The following IMPG2 variants were observed in gnomAD, a reference collection of about 807,000 sequenced individuals.
IMPG2 encodes the protein interphotoreceptor matrix proteoglycan 2, also known as IPM 200.
Under a neutral mutation model 129.2 loss-of-function variants are expected in IMPG2, and 91 were observed. The ratio of observed to expected loss-of-function variants is 0.70; its 90% confidence interval spans 0.59 to 0.84. The LOEUF (loss-of-function observed/expected upper bound fraction) is 0.84. Among genes scored for constraint, IMPG2 ranks in the 40% least tolerant of loss-of-function variants. IMPG2 has a pLI of 0.00. For synonymous variants in IMPG2, 510 were observed against 517.7 expected (o/e 0.99, Z 0.20); for missense variants, 1,430 against 1,461.7 (o/e 0.98, Z 0.35).
intron 4 of IMPG2, among the ~76,000 whole-genome samples, chr3:101,290,746 T>A (rs541261159): frequency 1.6e-4 from 24 of 152,296 alleles, no homozygotes; most frequent in African/African-American, 5.8e-4. Context: ...CTGACTCTGA[T>A]GCCCAGGTTG....
rs996361310 is a variant in IMPG2, at chr3:101,224,732, A to C, written c.*2237T>G. 6.6e-6 allele frequency: 1 copy of C among 152,212 alleles called. No homozygotes were observed. Among genetic ancestry groups the C allele is most frequent in the African/African-American group, 2.4e-5 (1 of 41,440 alleles). The allele number at this position is 152,212 out of a possible 1,614,324, so 9.4% of individuals were successfully genotyped here. On this transcript the variant is annotated 3_prime_UTR_variant, in exon 19 of 19. Transcript: ENST00000193391. Reference sequence around the variant, plus strand: ...GGCAGGACAAAAGTTGTATTCCTCAACTGAGGCCTCCTGTTCTTTCCCTGA... The same window carrying C: ...GGCAGGACAAAAGTTGTATTCCTCACCTGAGGCCTCCTGTTCTTTCCCTGA...
At chr3:101,281,769 A>G (rs1159164903) in intron 4 of IMPG2, among the ~76,000 whole-genome samples, 1 of 152,194 alleles carries the variant, frequency 6.6e-6, no homozygotes, top group Non-Finnish European at 1.5e-5. Context: ...AGAGAGAGAC[A>G]GAAGAAAGTC....
chr3:101,239,912 C>T (rs1308708486), intron 14 of IMPG2, among the ~76,000 whole-genome samples: 1 of 151,944 alleles, frequency 6.6e-6, no homozygotes, highest in African/African-American at 2.4e-5. Flanking sequence ...CACATGGGGG[C>T]CTGTCAGGGG....
intron 2 of IMPG2, among the ~76,000 whole-genome samples, chr3:101,315,611 A>G (rs2058780778): frequency 6.6e-6 from 1 of 152,180 alleles, no homozygotes; most frequent in African/African-American, 2.4e-5. Flanking sequence ...TCTCATGTCT[A>G]TGCAAATATT....
At chr3:101,251,030 C>T (rs990807883) in intron 11 of IMPG2, among the ~76,000 whole-genome samples, 3 of 152,066 alleles carry the variant, frequency 2.0e-5, no homozygotes, top group Non-Finnish European at 2.9e-5. Flanking sequence ...AAACTACTTC[C>T]AGAGATGTGT....
intron 14 of IMPG2, among the ~76,000 whole-genome samples, chr3:101,235,891 C>G (rs1017611628): frequency 1.7e-4 from 25 of 150,286 alleles, no homozygotes; most frequent in East Asian, 3.9e-4. Context: ...AGCTTTATGG[C>G]CTGAGCAACA....
intron 8 of IMPG2, among the ~76,000 whole-genome samples, chr3:101,267,872 A>G (rs966538159): frequency 5.3e-5 from 8 of 152,242 alleles, no homozygotes; most frequent in African/African-American, 1.9e-4. Context: ...TTTGGGATAC[A>G]ACATGTTATG....
chr3:101,276,491 C>T (rs944395252), intron 5 of IMPG2, among the ~76,000 whole-genome samples, 173 bp downstream of exon 5: 1 of 151,870 alleles, frequency 6.6e-6, no homozygotes, highest in East Asian at 1.9e-4. Context: ...CAACATAATG[C>T]CATAAAATAA....
At chr3:101,304,443 C>T in intron 2 of IMPG2, 131 bp from the exon 3 acceptor site, 1 of 823,062 alleles carries the variant, frequency 1.2e-6, no homozygotes, top group Non-Finnish European at 2.0e-6. Flanking sequence ...AGGAATGATT[C>T]TCAGTCAAAG....
intron 4 of IMPG2, among the ~76,000 whole-genome samples, chr3:101,278,174 G>T (rs1201617520): frequency 6.6e-6 from 1 of 152,238 alleles, no homozygotes; most frequent in East Asian, 1.9e-4. Flanking sequence ...GGCAGAGGCT[G>T]CAGTGAGCCA....
At chr3:101,261,209 A>AT (rs1706666480) in intron 9 of IMPG2, among the ~76,000 whole-genome samples, 1 of 152,082 alleles carries the variant, frequency 6.6e-6, no homozygotes, top group Admixed American at 6.6e-5. Flanking sequence ...TCTTTTTCGG[A>AT]TTTTTGCACA....
intron 4 of IMPG2, among the ~76,000 whole-genome samples, chr3:101,278,635 G>A (rs983750547): frequency 1.8e-4 from 27 of 152,056 alleles, no homozygotes; most frequent in Non-Finnish European, 3.4e-4. Flanking sequence ...GCTGGTATGG[G>A]AGGGTAAATT....
At chr3:101,259,019 T>C (rs1029860780) in intron 9 of IMPG2, among the ~76,000 whole-genome samples, 1 of 152,186 alleles carries the variant, frequency 6.6e-6, no homozygotes, top group Non-Finnish European at 1.5e-5. Context: ...TTTCTTAAGA[T>C]GTAATATGTG....
chr3:101,278,439 A>G (rs535073571), intron 4 of IMPG2, among the ~76,000 whole-genome samples: 1 of 152,300 alleles, frequency 6.6e-6, no homozygotes, highest in Admixed American at 6.5e-5. Flanking sequence ...GGAGATAAAC[A>G]TGGCACACAC....
chr3:101,297,118 C>T (rs1271277788), intron 3 of IMPG2, among the ~76,000 whole-genome samples: 4 of 152,110 alleles, frequency 2.6e-5, no homozygotes, highest in Admixed American at 6.5e-5. Flanking sequence ...CCATGTTAGC[C>T]GGGATGGTCT....
At chr3:101,310,934 C>G (rs929441952) in intron 2 of IMPG2, among the ~76,000 whole-genome samples, 1 of 152,114 alleles carries the variant, frequency 6.6e-6, no homozygotes, top group Non-Finnish European at 1.5e-5. Context: ...AATGCTTTGT[C>G]TAAAATACTC....
Position 101,245,810 on chromosome 3 carries a change from A to G in IMPG2, c.1535T>C (p.Val512Ala). 1 of 1,613,898 alleles carries G rather than the reference A, an allele frequency of 6.2e-7. No individual in the cohort carries two copies. The highest frequency in any genetic ancestry group is 1.7e-5 in the Admixed American group (1 of 60,012). ...CAATTAAAGTTTCTCACCATCTTCT[A>G]CCAAGTGAGATCCAGAAGTCCTTTC... ...SEERTSGSHL[V>A]EDGLANVEES... is the part of the protein sequence containing the mutation. The change falls in exon 12 of 19, where the codon GTA becomes GCA. Residue 512 changes from valine to alanine, a missense_variant. By Grantham distance (64) the Val-to-Ala change is moderately conservative. Coordinates refer to ENST00000193391, the MANE Select transcript of IMPG2 (RefSeq NM_016247.4).
At chr3:101,250,394 T>C (rs1706531001) in intron 11 of IMPG2, among the ~76,000 whole-genome samples, 2 of 152,194 alleles carry the variant, frequency 1.3e-5, no homozygotes, top group South Asian at 4.1e-4. Context: ...ATCCTTTGGC[T>C]TGGAAAAATC....
intron 2 of IMPG2, among the ~76,000 whole-genome samples, chr3:101,304,811 C>T (rs921036463): frequency 6.6e-6 from 1 of 151,418 alleles, no homozygotes; most frequent in Non-Finnish European, 1.5e-5. Context: ...AGTGACATAA[C>T]TGCATTGCAT....
Sources: gnomAD v4.1 joint callset for allele counts (sites outside exome capture counted in the v4.1 genomes callset) on GRCh38, gnomAD v4.1.1 for gene constraint, MANE v1.5 for transcripts, NCBI Gene and HGNC (gene_info 2026-07-23, HGNC 2026-07-21) for gene names.